The following SEMA6D variants were observed in gnomAD, a reference collection of about 807,000 sequenced individuals.
The protein encoded by SEMA6D is semaphorin-6D.
SEMA6D carries 35 observed loss-of-function variants against 106.6 expected under a neutral mutation model. That is an observed-to-expected ratio of 0.33 (90% confidence interval 0.25 to 0.44). The LOEUF (loss-of-function observed/expected upper bound fraction) is 0.44. Ranked by LOEUF, SEMA6D falls within the 20% of genes least tolerant of loss-of-function variation. The probability of loss-of-function intolerance (pLI) is 1.00; values close to 1 mark genes in which losing one functional copy is unlikely to be tolerated. For missense variants in SEMA6D, 1,185 were observed against 1,345.9 expected (o/e 0.88, Z 1.87); for synonymous variants, 499 against 487.7 (o/e 1.02, Z -0.31).
intron 1 of SEMA6D, among the ~76,000 whole-genome samples, chr15:47,399,198 C>T (rs1477055707): frequency 5.3e-5 from 8 of 151,860 alleles, no homozygotes; most frequent in African/African-American, 1.9e-4. Context: ...AAAACAACAA[C>T]AGAAAATAAA....
chr15:47,671,540 G>T (rs535502288), intron 4 of SEMA6D, among the ~76,000 whole-genome samples: 5 of 152,152 alleles, frequency 3.3e-5, no homozygotes, highest in Non-Finnish European at 7.4e-5. Flanking sequence ...TGGAGCACTG[G>T]ATAATGGAAC....
chr15:47,341,849 G>A (rs1417730852), intron 1 of SEMA6D, among the ~76,000 whole-genome samples: 1 of 151,986 alleles, frequency 6.6e-6, no homozygotes. Flanking sequence ...CCCCAATAGT[G>A]AGCTCATTTT....
At chr15:47,350,016 G>T (rs1395945493) in intron 1 of SEMA6D, among the ~76,000 whole-genome samples, 3 of 152,134 alleles carry the variant, frequency 2.0e-5, no homozygotes, top group African/African-American at 7.2e-5. Context: ...TCAGAAATCA[G>T]CATAATACAA....
chr15:47,238,306 C>T (rs967766275), intron 1 of SEMA6D, among the ~76,000 whole-genome samples: 1 of 152,034 alleles, frequency 6.6e-6, no homozygotes, highest in African/African-American at 2.4e-5. Flanking sequence ...ATCCAGGGCA[C>T]ACTAAAAGCA....
At chr15:47,395,519 G>T (rs985407877) in intron 1 of SEMA6D, 2 of 152,098 alleles carry the variant, frequency 1.3e-5, no homozygotes, top group East Asian at 3.9e-4. Flanking sequence ...TAAATATAAC[G>T]CATTATTTTG....
At chr15:47,204,041 A>C (rs1894888299) in intron 1 of SEMA6D, among the ~76,000 whole-genome samples, 1 of 152,186 alleles carries the variant, frequency 6.6e-6, no homozygotes, top group African/African-American at 2.4e-5. Flanking sequence ...AGTGGTGGAC[A>C]CTGGACTGCT....
chr15:47,628,678 A>G (rs1442142683), intron 4 of SEMA6D, among the ~76,000 whole-genome samples: 1 of 151,986 alleles, frequency 6.6e-6, no homozygotes, highest in Non-Finnish European at 1.5e-5. Flanking sequence ...TATTGCAAAT[A>G]TTTTCTCCCA....
chr15:47,522,331 T>C (rs1347469), intron 3 of SEMA6D, among the ~76,000 whole-genome samples: 65,666 of 152,096 alleles, frequency 0.43, 15,209 homozygotes, highest in East Asian at 0.8. Context: ...AGGATATTCT[T>C]GGAAATATCC....
At chr15:47,501,965 C>T (rs767926740) in intron 3 of SEMA6D, among the ~76,000 whole-genome samples, 2 of 151,882 alleles carry the variant, frequency 1.3e-5, no homozygotes, top group Non-Finnish European at 2.9e-5. Context: ...GCATTGCCTC[C>T]TTGGTTATCA....
chr15:47,766,497 T>C lies in SEMA6D; in HGVS notation c.1647-119T>C, dbSNP rs545095392. On this transcript the variant is annotated intron_variant, in intron 15 of 18. Transcript: ENST00000536845. ...AAGTTATGTTAAAATGTTGTTTTTT[T>C]TTTTTCTCTCTCTGCCCATTCTTAC... 2.5e-5 allele frequency: 21 copies of C among 848,360 alleles called. No homozygotes were observed. In the East Asian group the frequency reaches 5.4e-4, roughly 22 times the overall value. The allele number at this position is 848,360 out of a possible 1,614,324, so 52.6% of individuals were successfully genotyped here.
intron 1 of SEMA6D, among the ~76,000 whole-genome samples, chr15:47,408,910 C>T (rs1042817184): frequency 3.4e-4 from 51 of 152,188 alleles, no homozygotes; most frequent in African/African-American, 1.2e-3. Context: ...TTGCAGGAGG[C>T]TATAGTTCCC....
At chr15:47,720,814 G>A (rs1376157070) in intron 1 of SEMA6D, among the ~76,000 whole-genome samples, 1 of 152,204 alleles carries the variant, frequency 6.6e-6, no homozygotes, top group African/African-American at 2.4e-5. Context: ...AAGATACAAA[G>A]AGTGAAAAAT....
chr15:47,513,377 C>T (rs2044290987), intron 3 of SEMA6D, among the ~76,000 whole-genome samples: 1 of 152,122 alleles, frequency 6.6e-6, no homozygotes, highest in African/African-American at 2.4e-5. Context: ...TGCAATCTTA[C>T]AGTACTAATC....
intron 1 of SEMA6D, among the ~76,000 whole-genome samples, chr15:47,383,300 C>A (rs777216931): frequency 2.0e-5 from 3 of 152,180 alleles, no homozygotes; most frequent in Non-Finnish European, 4.4e-5. Context: ...TCTAGCAGAG[C>A]TTCTGATTCA....
At chr15:47,224,799 C>T (rs1595767015) in intron 1 of SEMA6D, among the ~76,000 whole-genome samples, 1 of 151,982 alleles carries the variant, frequency 6.6e-6, no homozygotes, top group Non-Finnish European at 1.5e-5. Flanking sequence ...TTTTATTCTC[C>T]GTTACTCCCA....
intron 4 of SEMA6D, among the ~76,000 whole-genome samples, chr15:47,624,390 C>T (rs931930374): frequency 6.6e-6 from 1 of 152,184 alleles, no homozygotes; most frequent in African/African-American, 2.4e-5. Flanking sequence ...ACCTGAGAAG[C>T]TCTATCAAAC....
rs117397365 is a variant in SEMA6D at position 47,767,437 on chromosome 15, G to A, written c.1765+344G>A. The A allele has an allele frequency of 7.1e-3, 1,318 of 185,882 alleles. 9 individuals are homozygous for A. The highest frequency in any genetic ancestry group is 0.01 in the Middle Eastern group (5 of 500). 11.5% of individuals were successfully genotyped at this position (185,882 alleles called of 1,614,324 possible). A position where few individuals can be genotyped will look rare whatever the true frequency, so the allele number is the denominator to read the frequency against. ...TGGTCATCTGTATTTAATGGATGGC[G>A]GAATTTCATTATTTTCCCCATCTCT... is the stretch of plus-strand genomic sequence containing the variant. On this transcript the variant is annotated intron_variant, in intron 17 of 18. Coordinates refer to ENST00000536845, the MANE Select transcript of SEMA6D (RefSeq NM_001358351.3).
At chr15:47,758,367 C>T (rs56376571) in intron 1 of SEMA6D, among the ~76,000 whole-genome samples, 3,598 of 152,150 alleles carry the variant, frequency 0.024, 64 homozygotes, top group Non-Finnish European at 0.032. Flanking sequence ...TCCTAAAGTT[C>T]TTAGATATGT....
intron 2 of SEMA6D, among the ~76,000 whole-genome samples, chr15:47,447,816 G>A (rs1284048807): frequency 6.6e-6 from 1 of 152,108 alleles, no homozygotes; most frequent in Non-Finnish European, 1.5e-5. Flanking sequence ...TCAGTCTTGT[G>A]AGACTAAGTC....
Sources: allele counts gnomAD v4.1 joint callset (sites outside exome capture counted in the v4.1 genomes callset), GRCh38; gene constraint gnomAD v4.1.1; transcripts MANE v1.5; gene names NCBI Gene and HGNC (gene_info 2026-07-23, HGNC 2026-07-21).